SNX30: variants seen among roughly 807,000 people sequenced by gnomAD.
SNX30 encodes sorting nexin family member 30, also known as sorting nexin-30.
SNX30 carries 24 observed loss-of-function variants against 46.4 expected under a neutral mutation model. That is an observed-to-expected ratio of 0.52 (90% confidence interval 0.37 to 0.73). SNX30 has a LOEUF of 0.73. Ranked by LOEUF, SNX30 falls within the 30% of genes least tolerant of loss-of-function variation. The probability of loss-of-function intolerance (pLI) is 0.00; values close to 1 mark genes in which losing one functional copy is unlikely to be tolerated. For missense variants in SNX30, 533 were observed against 555.7 expected (o/e 0.96, Z 0.41); for synonymous variants, 189 against 211.5 (o/e 0.89, Z 0.92).
chr9:112,769,184 T>A (rs990153222), intron 1 of SNX30, among the ~76,000 whole-genome samples: 1 of 152,238 alleles, frequency 6.6e-6, no homozygotes, highest in African/African-American at 2.4e-5. Flanking sequence ...CTTTTCTGTT[T>A]GTGTCTGTCC....
intron 1 of SNX30, among the ~76,000 whole-genome samples, chr9:112,789,664 A>T (rs1186060666): frequency 2.0e-5 from 3 of 152,236 alleles, no homozygotes; most frequent in Non-Finnish European, 4.4e-5. Flanking sequence ...CCTAAGAATC[A>T]TAAGAATGTC....
rs145219333 is a variant in SNX30, at chr9:112,865,008, C to CACAT, written c.1254+612_1254+613insTACA. Among the ~76,000 whole-genome samples, 1,251 of 148,380 alleles carry CACAT rather than the reference C, an allele frequency of 8.4e-3. 10 individuals are homozygous for CACAT. Among genetic ancestry groups the CACAT allele is most frequent in the African/African-American group, 0.012 (491 of 40,112 alleles). ...GCGCGTGCACACACACACACACCCA[C>CACAT]ACACCCCACTACCACCACCACACCC... On this transcript the variant is annotated intron_variant, in intron 8 of 8. Coordinates refer to ENST00000374232, the MANE Select transcript of SNX30 (RefSeq NM_001012994.2).
intron 1 of SNX30, among the ~76,000 whole-genome samples, chr9:112,790,383 T>C (rs2131386733): frequency 6.6e-6 from 1 of 152,360 alleles, no homozygotes; most frequent in East Asian, 1.9e-4. Context: ...TTCTAGGTCA[T>C]GCCGTGTGTC....
chr9:112,821,435 G>GTA (rs1182943905), intron 3 of SNX30, among the ~76,000 whole-genome samples: 4 of 151,044 alleles, frequency 2.6e-5, no homozygotes, highest in Admixed American at 1.3e-4. Flanking sequence ...ATGTGTGTTT[G>GTA]TATATATGTG....
chr9:112,876,283 T>C (rs983632641), downstream of SNX30, among the ~76,000 whole-genome samples: 1 of 151,856 alleles, frequency 6.6e-6, no homozygotes, highest in Non-Finnish European at 1.5e-5. Flanking sequence ...AGCCTGGGAT[T>C]TGGAGGCGAT....
At chr9:112,842,587 A>G (rs59645636) in intron 6 of SNX30, among the ~76,000 whole-genome samples, 26,563 of 152,190 alleles carry the variant, frequency 0.17, 3,127 homozygotes, top group African/African-American at 0.34. Flanking sequence ...GACCCTTGTG[A>G]GTAAATCTTT....
intron 1 of SNX30, among the ~76,000 whole-genome samples, chr9:112,788,308 G>A (rs988873846): frequency 2.0e-4 from 30 of 152,046 alleles, no homozygotes; most frequent in Admixed American, 3.9e-4. Flanking sequence ...TCAAAATGCC[G>A]TTTTCTTGGA....
At chr9:112,762,591 GA>G (rs1430876567) in intron 1 of SNX30, among the ~76,000 whole-genome samples, 1 of 152,124 alleles carries the variant, frequency 6.6e-6, no homozygotes, top group East Asian at 1.9e-4. Flanking sequence ...CTAAAATTGG[GA>G]TTATCTTACA....
At chr9:112,868,043 A>C (rs1024444308) in intron 8 of SNX30, among the ~76,000 whole-genome samples, 4 of 152,168 alleles carry the variant, frequency 2.6e-5, no homozygotes, top group African/African-American at 9.7e-5. Context: ...AGAGAACATC[A>C]GCGTGGGAAC....
downstream of SNX30, among the ~76,000 whole-genome samples, chr9:112,883,216 A>T (rs1406408413): frequency 6.6e-5 from 10 of 152,140 alleles, no homozygotes; most frequent in African/African-American, 2.4e-4. Flanking sequence ...CTGCCTTGGG[A>T]TAACTTGACT....
At chr9:112,773,539 A>G (rs1839687704) in intron 1 of SNX30, among the ~76,000 whole-genome samples, 1 of 152,132 alleles carries the variant, frequency 6.6e-6, no homozygotes, top group Non-Finnish European at 1.5e-5. Context: ...ATAGATACTG[A>G]TAGTAGGAAT....
At chr9:112,850,670 C>T (rs1224163156) in intron 6 of SNX30, among the ~76,000 whole-genome samples, 189 bp from the exon 7 acceptor site, 7 of 152,248 alleles carry the variant, frequency 4.6e-5, no homozygotes, top group African/African-American at 1.7e-4. Flanking sequence ...GAGTGGTTCT[C>T]CTCTCTTCCC....
intron 7 of SNX30, among the ~76,000 whole-genome samples, chr9:112,859,189 C>A (rs1443189691): frequency 2.0e-5 from 3 of 152,080 alleles, no homozygotes; most frequent in Non-Finnish European, 4.4e-5. Flanking sequence ...AATATTTATC[C>A]TGTGACTGGC....
Position 112,804,916 on chromosome 9 carries a change from G to A in SNX30, c.297G>A (p.Lys99=), listed in dbSNP as rs1840201434. 1.2e-6 allele frequency: 2 copies of A among 1,613,664 alleles called. No homozygotes were observed. Among genetic ancestry groups the A allele is most frequent in the South Asian group, 2.2e-5 (2 of 91,040 alleles). The change falls in exon 2 of 9, where the codon AAG becomes AAA. Residue 99 remains lysine (K), a synonymous_variant. Transcript: ENST00000374232. Reference sequence around the variant, plus strand: ...TCTTCGTTATAGTTGATGATCCCAAGAAGCATGTGTGTACAATGGAGACTT... The same window carrying A: ...TCTTCGTTATAGTTGATGATCCCAAAAAGCATGTGTGTACAATGGAGACTT... The part of the protein sequence containing the change: ...RDLFVIVDDP[K]KHVCTMETYI...
chr9:112,866,295 G>A (rs1015499180), intron 8 of SNX30, among the ~76,000 whole-genome samples: 3 of 152,130 alleles, frequency 2.0e-5, no homozygotes, highest in Non-Finnish European at 2.9e-5. Context: ...GGCAAGTGGA[G>A]TGGTCAGGAA....
chr9:112,824,903 A>G (rs1015306973), intron 3 of SNX30, among the ~76,000 whole-genome samples: 2 of 152,126 alleles, frequency 1.3e-5, no homozygotes, highest in Non-Finnish European at 2.9e-5. Context: ...CATCACCACC[A>G]TTGAGTGTTG....
At chr9:112,882,246 A>G (rs1229391695), downstream of SNX30, among the ~76,000 whole-genome samples, 9 of 152,162 alleles carry the variant, frequency 5.9e-5, no homozygotes, top group Non-Finnish European at 1.0e-4. Context: ...AGCTGGGACT[A>G]CAGGCATGCA....
At position 112,850,900 on chromosome 9, in the gene SNX30, A is replaced by G. The variant is rs752083350; in HGVS notation, c.1056A>G (p.Glu352=). ...KKRDQVQAEY[E]AKLEAVALRK... ...GGGACCAAGTTCAAGCAGAGTATGA[A>G]GCCAAACTGGAAGCTGTGGCTCTGC... The change falls in exon 7 of 9, where the codon GAA becomes GAG. Residue 352 remains glutamate, a synonymous_variant. Coordinates refer to ENST00000374232, the MANE Select transcript of SNX30 (RefSeq NM_001012994.2). 1.1e-5 allele frequency: 17 copies of G among 1,613,926 alleles called. No homozygotes were observed. Among genetic ancestry groups the G allele is most frequent in the Non-Finnish European group, 5.1e-6 (6 of 1,180,014 alleles).
intron 2 of SNX30, among the ~76,000 whole-genome samples, chr9:112,817,401 C>CTTTGTTTTTTTTTT (rs1840414529): frequency 2.1e-5 from 1 of 46,832 alleles, no homozygotes; most frequent in African/African-American, 9.7e-5. Flanking sequence ...AAAAAACTGG[C>CTTTGTTTTTTTTTT]TTTTTTTTTT....
Sources: gnomAD v4.1 joint callset for allele counts (sites outside exome capture counted in the v4.1 genomes callset) on GRCh38, gnomAD v4.1.1 for gene constraint, MANE v1.5 for transcripts, NCBI Gene and HGNC (gene_info 2026-07-23, HGNC 2026-07-21) for gene names.